CA10: variants seen among roughly 807,000 people sequenced by gnomAD.
CA10 encodes the protein carbonic anhydrase 10 (inactive).
Under a neutral mutation model 44.2 loss-of-function variants are expected in CA10, and 14 were observed. That is an observed-to-expected ratio of 0.32 (90% CI 0.21 to 0.50). The LOEUF (loss-of-function observed/expected upper bound fraction) is 0.50. CA10 is among the 20% of genes least tolerant of loss of function. The pLI is 0.99. For missense variants in CA10, 350 were observed against 409.7 expected, an observed-to-expected ratio of 0.85 and a Z score of 1.26; for synonymous variants, 159 against 141.6, an observed-to-expected ratio of 1.12 and a Z score of -0.87.
At chr17:51,797,838 A>C (rs1040365305) in intron 3 of CA10, among the ~76,000 whole-genome samples, 2 of 126,870 alleles carry the variant, frequency 1.6e-5, no homozygotes, top group Non-Finnish European at 3.2e-5. Context: ...GTGACAGAGC[A>C]AGGCTCCATC....
chr17:51,994,490 A>G (rs1054489269), intron 2 of CA10, among the ~76,000 whole-genome samples: 1 of 152,042 alleles, frequency 6.6e-6, no homozygotes, highest in Admixed American at 6.6e-5. Flanking sequence ...AGAAGTCCTG[A>G]GAGACAGTAT....
At chr17:51,722,514 T>C (rs1916379158) in intron 4 of CA10, among the ~76,000 whole-genome samples, 1 of 152,188 alleles carries the variant, frequency 6.6e-6, no homozygotes, top group Admixed American at 6.5e-5. Flanking sequence ...GAGGGATATA[T>C]TTTTGCAGTC....
At chr17:51,762,632 T>C (rs1718501346) in intron 3 of CA10, 2 of 152,140 alleles carry the variant, frequency 1.3e-5, no homozygotes, top group Admixed American at 1.3e-4. Context: ...ACAGATTCTT[T>C]GCTAGGGCTT....
intron 2 of CA10, among the ~76,000 whole-genome samples, chr17:52,069,223 G>T (rs531719412): frequency 6.6e-6 from 1 of 152,286 alleles, no homozygotes; most frequent in East Asian, 1.9e-4. Flanking sequence ...ATCTGGGTAC[G>T]TACCTAGCCA....
chr17:51,967,333 G>GATATATATAT (rs34446295), intron 2 of CA10, among the ~76,000 whole-genome samples: 27 of 147,402 alleles, frequency 1.8e-4, no homozygotes, highest in African/African-American at 4.9e-4. Context: ...CATTACTGGA[G>GATATATATAT]ATATATATAT....
At position 51,772,933 on chromosome 17, in the gene CA10, T is replaced by A. The variant is rs192264642; in HGVS notation, c.280-25115A>T. ...CTTTTGATGTCTCCCTTCTCTGGGC[T>A]CTTAGAGCACTTAGCATCTCTGTAA... On this transcript the variant is annotated intron_variant, in intron 3 of 8. Transcript: ENST00000451037. 9.9e-5 allele frequency among the ~76,000 whole-genome samples: 15 copies of A among 152,254 alleles called. No homozygotes were observed. In the East Asian group the frequency reaches 2.9e-3, roughly 29 times the overall value.
intron 3 of CA10, among the ~76,000 whole-genome samples, chr17:51,842,189 T>G (rs1978326591): frequency 6.6e-6 from 1 of 152,178 alleles, no homozygotes; most frequent in South Asian, 2.1e-4. Context: ...AAGGTCAGAT[T>G]TTAAGTATAT....
chr17:51,719,621 C>A (rs200579721), intron 4 of CA10, among the ~76,000 whole-genome samples: 3 of 90,284 alleles, frequency 3.3e-5, no homozygotes, highest in Non-Finnish European at 7.3e-5. Flanking sequence ...GGTGTGGTGG[C>A]TTTGCTTGAA....
rs575480483 is a variant in CA10 at position 51,855,791 on chromosome 17, G to T, written c.279+75199C>A. 8.5e-5 allele frequency among the ~76,000 whole-genome samples: 13 copies of T among 152,314 alleles called. No homozygotes were observed. The South Asian group carries it at 2.5e-3, about 29-fold the overall frequency. On this transcript the variant is annotated intron_variant, in intron 3 of 8. Coordinates refer to ENST00000451037, the MANE Select transcript of CA10 (RefSeq NM_020178.5). ...GAAAGTTGCAATTAATTCCTTAAAT[G>T]AATTCTTAAAATGTCAAAATTTGAA...
intron 1 of CA10, among the ~76,000 whole-genome samples, chr17:52,149,732 A>G (rs937361776): frequency 5.9e-5 from 9 of 152,176 alleles, no homozygotes; most frequent in African/African-American, 2.2e-4. Flanking sequence ...AAGTAACAAG[A>G]TGATATAAAC....
At chr17:51,982,102 A>G (rs888907107) in intron 2 of CA10, among the ~76,000 whole-genome samples, 1 of 152,006 alleles carries the variant, frequency 6.6e-6, no homozygotes. Flanking sequence ...TATACAAATT[A>G]TTTGGAACAT....
At chr17:51,930,056 G>A (rs1390585814) in intron 3 of CA10, among the ~76,000 whole-genome samples, 2 of 152,056 alleles carry the variant, frequency 1.3e-5, no homozygotes, top group East Asian at 1.9e-4. Context: ...TACATCAGAA[G>A]GGGAAAAAGT....
At chr17:52,022,244 G>A (rs1358919608) in intron 2 of CA10, among the ~76,000 whole-genome samples, 1 of 152,068 alleles carries the variant, frequency 6.6e-6, no homozygotes, top group African/African-American at 2.4e-5. Flanking sequence ...TCACATCAAA[G>A]TGTTAATTCA....
chr17:51,871,392 T>C (rs990055159), intron 3 of CA10, among the ~76,000 whole-genome samples: 4 of 93,438 alleles, frequency 4.3e-5, no homozygotes, highest in African/African-American at 1.5e-4. Flanking sequence ...CCACCAGGCC[T>C]AATTTTTTTT....
intron 2 of CA10, among the ~76,000 whole-genome samples, chr17:51,996,511 G>A (rs947090412): frequency 2.0e-5 from 3 of 151,706 alleles, no homozygotes; most frequent in African/African-American, 7.3e-5. Context: ...TCCTCGACAT[G>A]GCCCATGGTT....
intron 4 of CA10, among the ~76,000 whole-genome samples, chr17:51,705,294 C>T (rs189518127): frequency 1.3e-5 from 2 of 152,234 alleles, no homozygotes; most frequent in Admixed American, 1.3e-4. Context: ...CTCTCACCTC[C>T]CAGGTGAGGC....
At chr17:51,900,098 C>T (rs1050782755) in intron 3 of CA10, among the ~76,000 whole-genome samples, 1 of 151,960 alleles carries the variant, frequency 6.6e-6, no homozygotes, top group Non-Finnish European at 1.5e-5. Flanking sequence ...GTTATGCAGA[C>T]TTGATTGTAT....
At chr17:51,742,284 C>A (rs551302209) in intron 4 of CA10, among the ~76,000 whole-genome samples, 3 of 152,264 alleles carry the variant, frequency 2.0e-5, no homozygotes, top group African/African-American at 7.2e-5. Context: ...CCTTATACAT[C>A]CCAATCCTCA....
intron 3 of CA10, among the ~76,000 whole-genome samples, chr17:51,820,343 G>A (rs1274270944): frequency 6.8e-6 from 1 of 147,482 alleles, no homozygotes; most frequent in Non-Finnish European, 1.5e-5. Context: ...TTTGTCGGAT[G>A]ACTCATGGGG....
Sources: gnomAD v4.1 joint callset for allele counts (sites outside exome capture counted in the v4.1 genomes callset) on GRCh38, gnomAD v4.1.1 for gene constraint, MANE v1.5 for transcripts, NCBI Gene and HGNC (gene_info 2026-07-23, HGNC 2026-07-21) for gene names.